FOCAD: variants seen among roughly 807,000 people sequenced by gnomAD.
FOCAD encodes KIAA1797.
A neutral mutation model predicts 225.6 loss-of-function variants in FOCAD; 198 were observed. The ratio of observed to expected loss-of-function variants is 0.88; its 90% CI spans 0.78 to 0.99. FOCAD has a LOEUF of 0.99. Ranked by LOEUF, FOCAD falls within the 50% of genes least tolerant of loss-of-function variation. FOCAD has a pLI of 0.00. For synonymous variants in FOCAD, 897 were observed against 755.0 expected (o/e 1.19, Z -3.08); for missense variants, 2,713 against 2,123.6 (o/e 1.28, Z -5.46).
At chr9:20,690,857 A>G (rs1477920060) in intron 1 of FOCAD, among the ~76,000 whole-genome samples, 2 of 150,910 alleles carry the variant, frequency 1.3e-5, no homozygotes, top group African/African-American at 4.9e-5. Context: ...TCATTTTCCT[A>G]AATCTAAAGG....
At chr9:20,809,272 G>T (rs138641672) in intron 11 of FOCAD, among the ~76,000 whole-genome samples, 41 of 152,286 alleles carry the variant, frequency 2.7e-4, no homozygotes, top group East Asian at 1.7e-3. Context: ...TTGTCCAAAA[G>T]AACTTTCTGC....
rs149141764 is a variant in FOCAD, at chr9:20,964,889, C to G, written c.4133-11531C>G. On this transcript the variant is annotated intron_variant, in intron 35 of 43. Transcript: ENST00000338382. ...GGGAGAGAAGCATCACTGGAAGGCG[C>G]ACTACTATACCTGTTGGCAGGAGGG... Among the ~76,000 whole-genome samples, 5 of 152,066 alleles carry G rather than the reference C, an allele frequency of 3.3e-5. No homozygotes were observed. In the East Asian group the frequency reaches 9.7e-4, roughly 29 times the overall value.
At chr9:20,701,626 C>G (rs934443361) in intron 1 of FOCAD, among the ~76,000 whole-genome samples, 1 of 152,156 alleles carries the variant, frequency 6.6e-6, no homozygotes, top group Non-Finnish European at 1.5e-5. Context: ...ACTCATTGAA[C>G]TTAAACTGAA....
chr9:20,870,057 T>A lies in FOCAD; in HGVS notation c.2190+3045T>A, dbSNP rs1031937785. ...AAAAAACTATGGAGAAGTTTCCTTG[T>A]TAAAAGAATCAGTAATGGATAAACA... On this transcript the variant is annotated intron_variant, in intron 18 of 43. Coordinates refer to ENST00000338382, the MANE Select transcript of FOCAD (RefSeq NM_001375567.1). Among the ~76,000 whole-genome samples, 5 of 152,208 alleles carry A rather than the reference T, an allele frequency of 3.3e-5. No individual in the cohort carries two copies. In the East Asian group the frequency reaches 9.6e-4, roughly 29 times the overall value.
chr9:20,983,357 T>G lies in FOCAD; in HGVS notation c.4728+911T>G, dbSNP rs184601493. ...GGGAGGCCGAGGCGGGTGGATCATG[T>G]GGTCAAGAGATCGAGACTATTCTGG... On this transcript the variant is annotated intron_variant, in intron 39 of 43. Coordinates refer to ENST00000338382, the MANE Select transcript of FOCAD (RefSeq NM_001375567.1). Among the ~76,000 whole-genome samples, 14 of 152,108 alleles carry G rather than the reference T, an allele frequency of 9.2e-5. No individual in the cohort carries two copies. The East Asian group carries it at 2.5e-3, about 27-fold the overall frequency.
At chr9:20,826,642 A>C (rs1309412573) in intron 15 of FOCAD, among the ~76,000 whole-genome samples, 1 of 152,026 alleles carries the variant, frequency 6.6e-6, no homozygotes, top group Non-Finnish European at 1.5e-5. Context: ...TAATATAAGT[A>C]CCTAGTGTGA....
chr9:20,772,542 A>AGAG (rs1818341706), intron 8 of FOCAD, among the ~76,000 whole-genome samples: 6 of 152,294 alleles, frequency 3.9e-5, no homozygotes, highest in African/African-American at 1.4e-4. Context: ...TATCTCAATA[A>AGAG]GAGGGAGTGG....
Position 20,988,392 on chromosome 9 carries a change from A to G in FOCAD, c.4967A>G (p.Tyr1656Cys). 1 of 1,610,846 alleles carries G rather than the reference A, an allele frequency of 6.2e-7. No individual in the cohort carries two copies. Among genetic ancestry groups the G allele is most frequent in the Non-Finnish European group, 8.5e-7 (1 of 1,177,806 alleles). The change falls in exon 41 of 44, where the codon TAC (tyrosine) becomes TGC (cysteine). Residue 1656 changes from tyrosine to cysteine, a missense_variant. By Grantham distance (194) the Tyr-to-Cys change is radical. Transcript: ENST00000338382. Reference protein sequence around the residue: ...ELMGYIRNVAYQSTSFHNTAL... With the variant: ...ELMGYIRNVACQSTSFHNTAL... ...ATGGGTTATATTAGAAATGTTGCTT[A>G]CCAGTCAACATCCTTTCACAATACG...
Position 20,990,296 on chromosome 9 carries a change from G to T in FOCAD, c.5178G>T (p.Leu1726=), listed in dbSNP as rs753159905. Residue 1726 remains leucine, a synonymous_variant, in exon 42 of 44, where the codon CTG becomes CTT. Coordinates refer to ENST00000338382, the MANE Select transcript of FOCAD (RefSeq NM_001375567.1). The part of the protein sequence containing the change: ...LGRSPMHRVT[L]QEVLTLLPNS... The stretch of plus-strand genomic sequence containing the variant: ...GGAGTCCAATGCACAGGGTCACTCT[G>T]CAGGAGGTTCTCACTCTCCTTCCCA... The T allele has an allele frequency of 1.2e-6, 2 of 1,614,112 alleles. No individual in the cohort carries two copies. The highest frequency in any genetic ancestry group is 1.7e-6 in the Non-Finnish European group (2 of 1,180,004).
At chr9:20,742,487 C>T (rs1170787816) in intron 5 of FOCAD, among the ~76,000 whole-genome samples, 5 of 152,188 alleles carry the variant, frequency 3.3e-5, no homozygotes, top group African/African-American at 7.2e-5. Context: ...GAGCTACCGC[C>T]GCATCGGCAT....
intron 39 of FOCAD, among the ~76,000 whole-genome samples, chr9:20,985,097 C>T (rs951996289): frequency 2.6e-5 from 4 of 152,112 alleles, no homozygotes; most frequent in Non-Finnish European, 5.9e-5. Context: ...CCACCATGCC[C>T]GGCCAGCAAC....
At chr9:20,892,372 T>A (rs1156623493) in intron 21 of FOCAD, among the ~76,000 whole-genome samples, 2 of 152,196 alleles carry the variant, frequency 1.3e-5, no homozygotes, top group African/African-American at 4.8e-5. Context: ...TTGAAAACCT[T>A]CTGGAAAGGA....
intron 15 of FOCAD, among the ~76,000 whole-genome samples, chr9:20,853,698 A>G (rs1827891823): frequency 6.6e-6 from 1 of 151,764 alleles, no homozygotes; most frequent in Non-Finnish European, 1.5e-5. Context: ...ATTATAAGTG[A>G]GTTTTAAAAA....
At chr9:20,943,043 A>G (rs1011576175) in intron 28 of FOCAD, among the ~76,000 whole-genome samples, 5 of 152,196 alleles carry the variant, frequency 3.3e-5, no homozygotes, top group African/African-American at 1.2e-4. Context: ...AATTCTGTCA[A>G]ATTGTTATAT....
chr9:20,977,374 T>G (rs970967899), intron 36 of FOCAD, among the ~76,000 whole-genome samples: 3 of 152,214 alleles, frequency 2.0e-5, no homozygotes, highest in Admixed American at 2.0e-4. Context: ...TGGGGACCAT[T>G]ATTCTGCCTA....
chr9:20,844,349 C>CTTTTTTT lies in FOCAD; in HGVS notation c.1921-18209_1921-18203dup, dbSNP rs58468376. On this transcript the variant is annotated intron_variant, in intron 15 of 43. Transcript: ENST00000338382. ...ATGGTTCTAACCCTCAGGAAATTTCCTTTTTTTTTTTTTTTTTTTTTTTTT... is the reference window on the plus strand; with the variant it reads ...ATGGTTCTAACCCTCAGGAAATTTCCTTTTTTTTTTTTTTTTTTTTTTTTTTTTTTTT... Among the ~76,000 whole-genome samples the CTTTTTTT allele has an allele frequency of 1.0e-3, 80 of 77,250 alleles. 6 individuals carry two copies. Among genetic ancestry groups the CTTTTTTT allele is most frequent in the Admixed American group, 1.9e-3 (9 of 4,730 alleles). 50.7% of individuals were successfully genotyped at this position (77,250 alleles called of 152,430 possible). A position where few individuals can be genotyped will look rare whatever the true frequency, so the allele number is the denominator to read the frequency against.
intron 8 of FOCAD, 85 bp downstream of exon 8, chr9:20,770,323 A>T: frequency 7.9e-7 from 1 of 1,272,542 alleles, no homozygotes; most frequent in Non-Finnish European, 1.1e-6. Flanking sequence ...AATGAGGTTT[A>T]ATTGGCTTAC....
chr9:20,867,427 A>G (rs554363624), intron 18 of FOCAD, among the ~76,000 whole-genome samples: 7 of 151,968 alleles, frequency 4.6e-5, no homozygotes, highest in Non-Finnish European at 7.4e-5. Flanking sequence ...TTTTTTTAGT[A>G]TCTGTGAATG....
intron 21 of FOCAD, among the ~76,000 whole-genome samples, chr9:20,886,300 G>A (rs1802995383): frequency 6.6e-6 from 1 of 152,150 alleles, no homozygotes; most frequent in Non-Finnish European, 1.5e-5. Context: ...TAGGAGGAAG[G>A]TTTAATTTCA....
Sources: allele counts gnomAD v4.1 joint callset (sites outside exome capture counted in the v4.1 genomes callset), GRCh38; gene constraint gnomAD v4.1.1; transcripts MANE v1.5; gene names NCBI Gene and HGNC (gene_info 2026-07-23, HGNC 2026-07-21).